The following MAP4 variants were observed in gnomAD, a reference collection of about 807,000 sequenced individuals.
MAP4 encodes the protein microtubule-associated protein 4.
MAP4 carries 76 observed loss-of-function variants against 170.2 expected under a neutral mutation model. That is an observed-to-expected ratio of 0.45 (90% CI 0.37 to 0.54). The LOEUF is 0.54. MAP4 is among the 20% of genes least tolerant of loss of function. The probability of loss-of-function intolerance (pLI) is 0.00; values close to 1 mark genes in which losing one functional copy is unlikely to be tolerated. For synonymous variants in MAP4, 909 were observed against 994.5 expected (o/e 0.91, Z 1.62); for missense variants, 2,506 against 2,748.0 (o/e 0.91, Z 1.97).
At chr3:47,920,405 C>A (rs934699759) in intron 5 of MAP4, among the ~76,000 whole-genome samples, 1 of 151,262 alleles carries the variant, frequency 6.6e-6, no homozygotes, top group African/African-American at 2.4e-5. Flanking sequence ...TTAGGCCCAG[C>A]CTAATTTTTG....
intron 1 of MAP4, among the ~76,000 whole-genome samples, chr3:48,060,604 C>T (rs1362773569): frequency 6.6e-6 from 1 of 151,978 alleles, no homozygotes; most frequent in Non-Finnish European, 1.5e-5. Flanking sequence ...ACATCTCTGA[C>T]AAAGAACTGG....
rs779561422 is a variant in MAP4, at chr3:47,977,870, G to A, written c.287C>T (p.Thr96Ile). The A allele has an allele frequency of 6.2e-7, 1 of 1,610,216 alleles. No homozygotes were observed. Among genetic ancestry groups the A allele is most frequent in the Non-Finnish European group, 8.5e-7 (1 of 1,176,700 alleles). Residue 96 changes from threonine (T) to isoleucine (I), a missense_variant, in exon 3 of 21, where the codon ACT (threonine) becomes ATT (isoleucine). Thr to Ile is a moderately conservative substitution (Grantham distance 89). This residue lies in a region of MAP4 where 2,008 missense variants were observed against 2,206.0 expected (regional missense o/e 0.91). Coordinates refer to ENST00000683076, the MANE Select transcript of MAP4 (RefSeq NM_001385682.1). Reference protein sequence around the residue: ...NGGHGVEGSDTTGSPTEFLEE... With the variant: ...NGGHGVEGSDITGSPTEFLEE... ...GAATCCTGGGAATCACTTACCTGTA[G>A]TATCGCTCCCTTCTACTCCATGACC...
At chr3:47,976,053 G>A (rs1255560214) in intron 3 of MAP4, among the ~76,000 whole-genome samples, 2 of 152,208 alleles carry the variant, frequency 1.3e-5, no homozygotes, top group Non-Finnish European at 2.9e-5. Context: ...GTCTCCCAAA[G>A]TGCTGGGATT....
chr3:47,997,208 T>C (rs943462042), intron 2 of MAP4, among the ~76,000 whole-genome samples: 2 of 149,818 alleles, frequency 1.3e-5, no homozygotes, highest in Non-Finnish European at 1.5e-5. Flanking sequence ...TTTTAAAAGA[T>C]AATGGCCAAA....
At position 47,875,879 on chromosome 3, in the gene MAP4, C is replaced by T; in HGVS notation, c.5563G>A (p.Ala1855Thr). The change falls in exon 12 of 21, where the codon GCA (alanine) becomes ACA (threonine). Residue 1855 changes from alanine to threonine, a missense_variant. Around this residue, in one of 3 missense-constraint regions of MAP4, gnomAD observed 2,008 missense variants for 2,206.0 expected, o/e 0.91. Transcript: ENST00000683076. ...KTKPLATTQP[A>T]KTSTSKAKTQ... ...TTGGCTTTCGATGTTGAAGTCTTTGCAGGTTGAGTGGTGGCCAAAGGCTTT... is the reference window on the plus strand; with the variant it reads ...TTGGCTTTCGATGTTGAAGTCTTTGTAGGTTGAGTGGTGGCCAAAGGCTTT... 6.2e-7 allele frequency: 1 copy of T among 1,611,794 alleles called. No individual in the cohort carries two copies. The highest frequency in any genetic ancestry group is 8.5e-7 in the Non-Finnish European group (1 of 1,179,516).
chr3:47,956,710 G>A (rs1005189258), intron 3 of MAP4, among the ~76,000 whole-genome samples: 5 of 152,144 alleles, frequency 3.3e-5, no homozygotes, highest in Admixed American at 1.3e-4. Context: ...CTGTAGAGGA[G>A]GCTCTTAATA....
intron 4 of MAP4, among the ~76,000 whole-genome samples, chr3:47,924,756 A>G (rs935821922): frequency 6.6e-6 from 1 of 152,078 alleles, no homozygotes; most frequent in African/African-American, 2.4e-5. Context: ...GTGCCTCTCT[A>G]TATCAGCTGG....
At chr3:48,040,996 A>G (rs1267347540) in intron 1 of MAP4, among the ~76,000 whole-genome samples, 3 of 152,102 alleles carry the variant, frequency 2.0e-5, no homozygotes, top group Non-Finnish European at 4.4e-5. Flanking sequence ...CACCATGCCC[A>G]GCCAATAAAA....
At chr3:47,917,259 G>A (rs960708460) in intron 6 of MAP4, 85 bp from the exon 7 acceptor site, 2 of 1,161,962 alleles carry the variant, frequency 1.7e-6, no homozygotes, top group African/African-American at 1.5e-5. Context: ...GAGAGTATTT[G>A]GCTTTTGTGA....
At chr3:48,006,551 AC>A (rs1373225039) in intron 1 of MAP4, among the ~76,000 whole-genome samples, 1 of 152,112 alleles carries the variant, frequency 6.6e-6, no homozygotes, top group Non-Finnish European at 1.5e-5. Context: ...AGCTGGCAAA[AC>A]CCCCACACTG....
Position 47,915,931 on chromosome 3 carries a change from G to GA in MAP4, c.1876+19dup. 6.3e-7 allele frequency: 1 copy of GA among 1,586,708 alleles called. No homozygotes were observed. The highest frequency in any genetic ancestry group is 8.6e-7 in the Non-Finnish European group (1 of 1,167,868). ...ACAACCTGGTAGAGAGAAATACTGA[G>GA]AATAAGCACAAGCACGTACCTGGTG... On this transcript the variant is annotated intron_variant, in intron 7 of 20. Transcript: ENST00000683076.
intron 10 of MAP4, among the ~76,000 whole-genome samples, chr3:47,900,954 C>T (rs545633843): frequency 6.6e-6 from 1 of 152,294 alleles, no homozygotes; most frequent in Non-Finnish European, 1.5e-5. Context: ...CCTTTAGGAG[C>T]TTACTTTCTT....
At chr3:47,894,595 A>G (rs1162570115) in intron 10 of MAP4, among the ~76,000 whole-genome samples, 2 of 134,600 alleles carry the variant, frequency 1.5e-5, no homozygotes, top group East Asian at 2.1e-4. Context: ...AAAATAAAAA[A>G]AAAAGAAAAA....
rs143446469 is a variant in MAP4, at chr3:47,910,332, A to G, written c.4089T>C (p.Ser1363=). Residue 1363 remains serine (S), a synonymous_variant, in exon 9 of 21, where the codon AGT becomes AGC. Coordinates refer to ENST00000683076, the MANE Select transcript of MAP4 (RefSeq NM_001385682.1). ...TAACCTTTTTACTTTTTCCATCATTACTCCTTTTACTTGGTTTGTCAGCCA... is the reference window on the plus strand; with the variant it reads ...TAACCTTTTTACTTTTTCCATCATTGCTCCTTTTACTTGGTTTGTCAGCCA... ...TAVADKPSKR[S]NDGKSKKVKN... 6.5e-7 allele frequency: 1 copy of G among 1,545,562 alleles called. No individual in the cohort carries two copies. The highest frequency in any genetic ancestry group is 2.4e-5 in the East Asian group (1 of 42,394).
At chr3:48,026,579 CTT>C (rs2100113232) in intron 1 of MAP4, among the ~76,000 whole-genome samples, 1 of 152,164 alleles carries the variant, frequency 6.6e-6, no homozygotes, top group Non-Finnish European at 1.5e-5. Context: ...CTAGAAGAAT[CTT>C]AATCTTCCTA....
intron 1 of MAP4, among the ~76,000 whole-genome samples, chr3:48,049,481 A>C (rs2100126400): frequency 6.6e-6 from 1 of 151,454 alleles, no homozygotes. Context: ...TCAGCCGGGC[A>C]TGATAGTGCA....
intron 1 of MAP4, among the ~76,000 whole-genome samples, chr3:48,029,208 C>T (rs1287270780): frequency 6.6e-6 from 1 of 151,846 alleles, no homozygotes; most frequent in Non-Finnish European, 1.5e-5. Flanking sequence ...GAGGCCAAAG[C>T]GGGCAGATCA....
At chr3:48,050,258 C>CAAAAAAAAAAAAA (rs11345368) in intron 1 of MAP4, among the ~76,000 whole-genome samples, 1 of 120,576 alleles carries the variant, frequency 8.3e-6, no homozygotes. Context: ...GACTCCATCT[C>CAAAAAAAAAAAAA]AAAAAAAAAA....
At chr3:48,006,591 C>G (rs1237801697) in intron 1 of MAP4, among the ~76,000 whole-genome samples, 4 of 152,172 alleles carry the variant, frequency 2.6e-5, no homozygotes, top group Non-Finnish European at 5.9e-5. Flanking sequence ...TGAGGGCTAT[C>G]ATGGTGGGAA....
Sources: allele counts gnomAD v4.1 joint callset (sites outside exome capture counted in the v4.1 genomes callset), GRCh38; gene constraint gnomAD v4.1.1; regional missense constraint gnomAD v4.1.1; transcripts MANE v1.5; gene names NCBI Gene and HGNC (gene_info 2026-07-23, HGNC 2026-07-21).